The following HDAC9 variants were observed in gnomAD, a reference collection of about 807,000 sequenced individuals.
HDAC9 encodes histone deacetylase 9, also known as MEF-2 interacting transcription repressor (MITR) protein.
HDAC9 carries 41 observed loss-of-function variants against 139.4 expected under a neutral mutation model. The ratio of observed to expected loss-of-function variants is 0.29; its 90% CI spans 0.23 to 0.38. The LOEUF (loss-of-function observed/expected upper bound fraction) is 0.38. Among genes scored for constraint, HDAC9 ranks in the 10% least tolerant of loss-of-function variants. The pLI is 1.00. For missense variants in HDAC9, 1,147 were observed against 1,297.0 expected (o/e 0.88, Z 1.78); for synonymous variants, 517 against 476.2 (o/e 1.09, Z -1.12).
At chr7:18,727,465 C>A in intron 12 of HDAC9, 115 bp from the exon 13 acceptor site, 1 of 812,630 alleles carries the variant, frequency 1.2e-6, no homozygotes, top group Non-Finnish European at 1.9e-6. Flanking sequence ...CTTTTTCCTT[C>A]ACACCGTTTA....
intron 22 of HDAC9, among the ~76,000 whole-genome samples, chr7:18,905,072 G>GT (rs1802101669): frequency 6.6e-6 from 1 of 151,340 alleles, no homozygotes. Context: ...CTAATTTTTG[G>GT]TTTTTTAGCA....
intron 12 of HDAC9, among the ~76,000 whole-genome samples, chr7:18,679,155 C>A (rs763495973): frequency 3.9e-5 from 6 of 151,936 alleles, no homozygotes; most frequent in Non-Finnish European, 7.4e-5. Context: ...AGAAGCTAGT[C>A]ACTTACTGGG....
intron 1 of HDAC9, among the ~76,000 whole-genome samples, chr7:18,301,378 G>GT: frequency 6.6e-6 from 1 of 152,112 alleles, no homozygotes; most frequent in African/African-American, 2.4e-5. Flanking sequence ...TTGTTGTCGT[G>GT]TTTTTTAACC....
chr7:18,169,597 C>G (rs185630981), intron 2 of HDAC9, among the ~76,000 whole-genome samples: 143 of 152,180 alleles, frequency 9.4e-4, no homozygotes, highest in African/African-American at 3.3e-3. Flanking sequence ...TCTCCTAATG[C>G]TATCCCTCCC....
chr7:18,184,842 C>T (rs1215938410), intron 2 of HDAC9, among the ~76,000 whole-genome samples: 1 of 152,246 alleles, frequency 6.6e-6, no homozygotes, highest in Middle Eastern at 3.4e-3. Flanking sequence ...TATTTTTGTG[C>T]TATTGTATCA....
intron 2 of HDAC9, 92 bp from the exon 3 acceptor site, chr7:18,585,189 T>C: frequency 2.1e-6 from 3 of 1,432,254 alleles, no homozygotes; most frequent in Non-Finnish European, 2.9e-6. Flanking sequence ...TACAGGGTCT[T>C]ATACTTTTTA....
intron 2 of HDAC9, among the ~76,000 whole-genome samples, chr7:18,263,694 C>A (rs1299527766): frequency 6.6e-6 from 1 of 151,776 alleles, no homozygotes; most frequent in Non-Finnish European, 1.5e-5. Flanking sequence ...CTGCAACCTC[C>A]ACCTCCCAAG....
At chr7:18,828,394 C>T (rs752908282) in intron 17 of HDAC9, among the ~76,000 whole-genome samples, 16 of 152,190 alleles carry the variant, frequency 1.1e-4, no homozygotes, top group Non-Finnish European at 2.1e-4. Context: ...ATTTATAGTT[C>T]CCTGCCTTCA....
At chr7:18,887,711 T>G (rs1800291309) in intron 22 of HDAC9, among the ~76,000 whole-genome samples, 2 of 152,222 alleles carry the variant, frequency 1.3e-5, no homozygotes, top group South Asian at 4.1e-4. Flanking sequence ...ACTAAGCTAT[T>G]TAGTTATTTT....
chr7:18,804,600 G>C (rs575347522), intron 17 of HDAC9, among the ~76,000 whole-genome samples: 5 of 152,166 alleles, frequency 3.3e-5, no homozygotes, highest in African/African-American at 9.6e-5. Context: ...AACAAGTAAG[G>C]TATGCATTGA....
At chr7:18,851,543 T>C (rs923704568) in intron 21 of HDAC9, 2 of 152,250 alleles carry the variant, frequency 1.3e-5, no homozygotes, top group Admixed American at 1.3e-4. Context: ...GGTAGTTCTG[T>C]ATAGCAGTGA....
At chr7:18,809,712 A>C (rs1286388511) in intron 17 of HDAC9, among the ~76,000 whole-genome samples, 1 of 152,034 alleles carries the variant, frequency 6.6e-6, no homozygotes, top group Non-Finnish European at 1.5e-5. Flanking sequence ...AATTTAAAAC[A>C]AAACACAAGT....
rs190422059 is a variant in HDAC9, at chr7:18,432,668, C to A, written c.-41-63594C>A. On this transcript the variant is annotated intron_variant, in intron 1 of 3. Transcript: ENST00000413509. ...GCATGCTTGAAATACCAGTGGAAGGCCGGGCGCTGTGGCTCACGCCTGTAA... is the reference window on the plus strand; with the variant it reads ...GCATGCTTGAAATACCAGTGGAAGGACGGGCGCTGTGGCTCACGCCTGTAA... 3.9e-3 allele frequency among the ~76,000 whole-genome samples: 590 copies of A among 152,116 alleles called. 5 individuals carry two copies. The highest frequency in any genetic ancestry group is 0.013 in the African/African-American group (559 of 41,502).
chr7:18,255,650 A>G (rs1435402398), intron 2 of HDAC9, among the ~76,000 whole-genome samples: 7 of 102,314 alleles, frequency 6.8e-5, no homozygotes, highest in East Asian at 3.0e-4. Flanking sequence ...TTTTTTGGAG[A>G]TGGAGTCTCG....
chr7:18,369,476 T>G (rs1784430987), intron 1 of HDAC9, among the ~76,000 whole-genome samples: 1 of 152,048 alleles, frequency 6.6e-6, no homozygotes, highest in African/African-American at 2.4e-5. Context: ...TTTTTCCTTT[T>G]TTTCTTTCTC....
intron 2 of HDAC9, among the ~76,000 whole-genome samples, chr7:18,506,855 C>T (rs950134119): frequency 6.6e-6 from 1 of 151,924 alleles, no homozygotes; most frequent in African/African-American, 2.4e-5. Context: ...TAAGTGTAAG[C>T]CTCTGCTTGC....
rs1788193298 is a variant in HDAC9, at chr7:18,648,575, G to T, written c.1359G>T (p.Gln453His). ...LPRHRPLNRT[Q>H]SAPLPQSTLA... ...GTCACAGACCCCTGAACCGAACCCA[G>T]TCTGCACCTTTGCCTCAGAGCACGT... Residue 453 changes from glutamine to histidine, a missense_variant, in exon 11 of 26, where the codon CAG (glutamine) becomes CAT (histidine). By Grantham distance (24) the Gln-to-His change is conservative (BLOSUM62 0). Transcript: ENST00000686413. 6.2e-7 allele frequency: 1 copy of T among 1,613,614 alleles called. No homozygotes were observed. Among genetic ancestry groups the T allele is most frequent in the South Asian group, 1.1e-5 (1 of 91,080 alleles).
intron 22 of HDAC9, among the ~76,000 whole-genome samples, chr7:18,892,803 A>G (rs1400173220): frequency 6.6e-6 from 1 of 152,142 alleles, no homozygotes; most frequent in Non-Finnish European, 1.5e-5. Flanking sequence ...TTTTTGTCCC[A>G]GACATAAAAT....
At chr7:18,801,003 A>G (rs551085094) in intron 17 of HDAC9, among the ~76,000 whole-genome samples, 9 of 152,246 alleles carry the variant, frequency 5.9e-5, no homozygotes, top group African/African-American at 2.2e-4. Context: ...TTATTATTGC[A>G]AAACTAGTAA....
Sources: allele counts gnomAD v4.1 joint callset (sites outside exome capture counted in the v4.1 genomes callset), GRCh38; gene constraint gnomAD v4.1.1; transcripts MANE v1.5; gene names NCBI Gene and HGNC (gene_info 2026-07-23, HGNC 2026-07-21).